Variants in PRKAG2 observed in about 807,000 individuals in gnomAD.
PRKAG2 encodes the protein protein kinase AMP-activated non-catalytic subunit gamma 2.
PRKAG2 carries 26 observed loss-of-function variants against 69.6 expected under a neutral mutation model. That is an observed-to-expected ratio of 0.37 (90% CI 0.27 to 0.52). The LOEUF is 0.52. Among genes scored for constraint, PRKAG2 ranks in the 20% least tolerant of loss-of-function variants. The pLI is 0.90. For synonymous variants in PRKAG2, 293 were observed against 285.0 expected (o/e 1.03, Z -0.28); for missense variants, 557 against 740.0 (o/e 0.75, Z 2.87).
At chr7:151,625,815 G>C (rs192518082) in intron 5 of PRKAG2, among the ~76,000 whole-genome samples, 5 of 152,234 alleles carry the variant, frequency 3.3e-5, no homozygotes, top group African/African-American at 1.2e-4. Flanking sequence ...AGAGATCAGT[G>C]TCAGGGGAAT....
At chr7:151,825,811 A>C (rs1041938017) in intron 1 of PRKAG2, among the ~76,000 whole-genome samples, 1 of 152,210 alleles carries the variant, frequency 6.6e-6, no homozygotes, top group Admixed American at 6.5e-5. Context: ...ACACCAGAGC[A>C]TAAAGCTGTG....
chr7:151,868,834 T>C (rs958389711), intron 1 of PRKAG2, among the ~76,000 whole-genome samples: 5 of 152,156 alleles, frequency 3.3e-5, no homozygotes, highest in African/African-American at 7.2e-5. Context: ...TCAGCTCTTA[T>C]AGGAAAACAG....
Position 151,876,519 on chromosome 7 carries a change from G to A in PRKAG2, c.102C>T (p.Arg34=). 6.2e-7 allele frequency: 1 copy of A among 1,606,916 alleles called. No homozygotes were observed. The highest frequency in any genetic ancestry group is 1.1e-5 in the South Asian group (1 of 91,054). Residue 34 remains arginine (R), a synonymous_variant, in exon 1 of 16, where the codon CGC becomes CGT. Transcript: ENST00000287878. ...KNASQKRRSL[R]VHIPDLSSFA... is the part of the protein sequence containing the mutation. Reference sequence around the variant, plus strand: ...TGCTGGGACTCACCGGAATGTGCACGCGCAGCGAACGCCTCTTCTGGCTGG... The same window carrying A: ...TGCTGGGACTCACCGGAATGTGCACACGCAGCGAACGCCTCTTCTGGCTGG...
intron 5 of PRKAG2, among the ~76,000 whole-genome samples, chr7:151,625,095 G>A (rs560305195): frequency 6.6e-6 from 1 of 152,316 alleles, no homozygotes; most frequent in South Asian, 2.1e-4. Flanking sequence ...AAATAAATGG[G>A]AGGGGCTACT....
chr7:151,606,862 AG>A (rs1817665307), intron 5 of PRKAG2, among the ~76,000 whole-genome samples: 1 of 152,222 alleles, frequency 6.6e-6, no homozygotes, highest in Non-Finnish European at 1.5e-5. Context: ...AATTCCTGAG[AG>A]GGCAAGAAGT....
rs1315800456 is a variant in PRKAG2 at position 151,632,255 on chromosome 7, G to A, written c.685-117C>T. 3 of 1,057,198 alleles carry A rather than the reference G, an allele frequency of 2.8e-6. No individual in the cohort carries two copies. The highest frequency in any genetic ancestry group is 6.1e-5 in the East Asian group (1 of 16,304). 65.5% of individuals were successfully genotyped at this position (1,057,198 alleles called of 1,614,324 possible). A position where few individuals can be genotyped will look rare whatever the true frequency, so the allele number is the denominator to read the frequency against. Reference sequence around the variant, plus strand: ...CTCTGCCGCGCCGCCGGGAGGAGGGGCCTGGCAGGGGACGCGGGCAGCGGG... The same window carrying A: ...CTCTGCCGCGCCGCCGGGAGGAGGGACCTGGCAGGGGACGCGGGCAGCGGG... On this transcript the variant is annotated intron_variant, in intron 4 of 15. Transcript: ENST00000287878. This position sits in a 1 kb window ranked among gnomAD's most constrained non-coding sequence, Gnocchi z 4.2.
intron 3 of PRKAG2, among the ~76,000 whole-genome samples, chr7:151,706,015 A>G (rs890007959): frequency 1.3e-5 from 2 of 152,174 alleles, no homozygotes; most frequent in Non-Finnish European, 1.5e-5. Context: ...CATCAGGGTT[A>G]AGATGAAACG....
intron 3 of PRKAG2, among the ~76,000 whole-genome samples, chr7:151,758,071 A>G (rs2075207318): frequency 6.6e-6 from 1 of 152,032 alleles, no homozygotes; most frequent in Non-Finnish European, 1.5e-5. Flanking sequence ...ACCAGACACC[A>G]TGGTCATCAC....
intron 3 of PRKAG2, among the ~76,000 whole-genome samples, chr7:151,732,130 T>C (rs1586146789): frequency 8.2e-6 from 1 of 122,180 alleles, no homozygotes; most frequent in East Asian, 2.7e-4. Flanking sequence ...CCACAGCACC[T>C]GGCTTTTTTT....
intron 8 of PRKAG2, among the ~76,000 whole-genome samples, chr7:151,574,367 T>C (rs752824170): frequency 1.2e-4 from 18 of 152,234 alleles, no homozygotes; most frequent in Non-Finnish European, 2.4e-4. Context: ...ACCATTGTAC[T>C]AGGGACCAGA....
At chr7:151,565,467 C>T in intron 12 of PRKAG2, 84 bp from the exon 13 acceptor site, 1 of 1,085,820 alleles carries the variant, frequency 9.2e-7, no homozygotes, top group Non-Finnish European at 1.3e-6. Context: ...GACATAATTA[C>T]TAAAAGTTAA....
intron 6 of PRKAG2, among the ~76,000 whole-genome samples, chr7:151,590,162 T>C (rs11983614): frequency 0.19 from 28,996 of 152,112 alleles, 3,362 homozygotes; most frequent in African/African-American, 0.32. Context: ...GCCACTGCAC[T>C]GGCCACTGAG....
chr7:151,568,879 C>A, intron 10 of PRKAG2, 37 bp from the exon 11 acceptor site: 1 of 1,611,324 alleles, frequency 6.2e-7, no homozygotes, highest in Non-Finnish European at 8.5e-7. Context: ...AGGAGGCTTT[C>A]GAGAAAAATC....
chr7:151,710,477 C>A (rs1469544432), intron 3 of PRKAG2, among the ~76,000 whole-genome samples: 1 of 152,182 alleles, frequency 6.6e-6, no homozygotes, highest in East Asian at 1.9e-4. Context: ...CTCCTCTGCT[C>A]GAAGCTCTGC....
intron 6 of PRKAG2, among the ~76,000 whole-genome samples, chr7:151,588,649 C>G (rs540779904): frequency 6.6e-6 from 1 of 152,062 alleles, no homozygotes; most frequent in East Asian, 1.9e-4. Flanking sequence ...CGTGAGACAC[C>G]GCACCCAGCG....
Position 151,711,041 on chromosome 7 carries a change from G to A in PRKAG2, c.467-35404C>T, listed in dbSNP as rs563612376. Among the ~76,000 whole-genome samples, 20 of 152,268 alleles carry A rather than the reference G, an allele frequency of 1.3e-4. 1 individual carries two copies. In the South Asian group the frequency reaches 3.7e-3, roughly 29 times the overall value. On this transcript the variant is annotated intron_variant, in intron 3 of 15. Coordinates refer to ENST00000287878, the MANE Select transcript of PRKAG2 (RefSeq NM_016203.4). ...AGGGTTAGAGTACTAAGAGTGCTAG[G>A]CTTAGAGTACTGAGAGTGCTAGACT...
In PRKAG2 at chr7:151,792,955, C is replaced by T. The variant is rs376537871; in HGVS notation, c.115-6414G>A. 1.1e-3 allele frequency among the ~76,000 whole-genome samples: 173 copies of T among 152,316 alleles called. 1 individual carries two copies. The highest frequency in any genetic ancestry group is 5.6e-3 in the East Asian group (29 of 5,180). On this transcript the variant is annotated intron_variant, in intron 1 of 15. Coordinates refer to ENST00000287878, the MANE Select transcript of PRKAG2 (RefSeq NM_016203.4). ...GCAGGGAGGGAGCCGGGGGCTGAGC[C>T]GGAGCCCCAGCTCTGTGATCTGCGA... is the stretch of plus-strand genomic sequence containing the variant.
At chr7:151,876,328 T>A (rs2080403598) in intron 1 of PRKAG2, among the ~76,000 whole-genome samples, 179 bp downstream of exon 1, 1 of 151,832 alleles carries the variant, frequency 6.6e-6, no homozygotes, top group South Asian at 2.1e-4. Flanking sequence ...AGAGAGAGAT[T>A]GAGCCCCGGC....
chr7:151,672,114 T>G (rs1480181359), intron 4 of PRKAG2, among the ~76,000 whole-genome samples: 1 of 151,936 alleles, frequency 6.6e-6, no homozygotes, highest in Non-Finnish European at 1.5e-5. Context: ...TGAACTATTT[T>G]TTTTTGAGAA....
Sources: allele counts gnomAD v4.1 joint callset (sites outside exome capture counted in the v4.1 genomes callset), GRCh38; gene constraint gnomAD v4.1.1; non-coding constraint Gnocchi (gnomAD v3.1); transcripts MANE v1.5; gene names NCBI Gene and HGNC (gene_info 2026-07-23, HGNC 2026-07-21).